UTP20: variants seen among roughly 807,000 people sequenced by gnomAD.
UTP20 encodes UTP20 small subunit processome component.
A neutral mutation model predicts 329.5 loss-of-function variants in UTP20; 164 were observed. That is an observed-to-expected ratio of 0.50 (90% confidence interval 0.44 to 0.57). The LOEUF (loss-of-function observed/expected upper bound fraction) is 0.57, where lower values mean the gene tolerates loss of function less well. Ranked by LOEUF, UTP20 falls within the 20% of genes least tolerant of loss-of-function variation. The pLI, the probability that UTP20 is intolerant of heterozygous loss-of-function variation, is 0.00. For synonymous variants in UTP20, 1,151 were observed against 1,159.3 expected (o/e 0.99, Z 0.14); for missense variants, 3,055 against 3,284.2 (o/e 0.93, Z 1.71).
At position 101,329,326 on chromosome 12, in the gene UTP20, A is replaced by C. The variant is rs766018627; in HGVS notation, c.3294A>C (p.Leu1098Phe). ...VLPLGRQHGI[L>F]NSLEIVLKNI... ...CTTTAGGTCGTCAGCACGGTATCTT[A>C]AACAGCCTTGAGATAGTATTGAAAA... Residue 1098 changes from leucine (L) to phenylalanine (F), a missense_variant, in exon 27 of 62, where the codon TTA (leucine) becomes TTC (phenylalanine). Physicochemically the swap from Leu to Phe is conservative, Grantham distance 22. Around this residue, in one of 3 missense-constraint regions of UTP20, gnomAD observed 2,445 missense variants for 2,575.5 expected, o/e 0.95. Coordinates refer to ENST00000261637, the MANE Select transcript of UTP20 (RefSeq NM_014503.3). The C allele has an allele frequency of 6.2e-6, 10 of 1,614,064 alleles. No homozygotes were observed. Among genetic ancestry groups the C allele is most frequent in the Non-Finnish European group, 8.5e-6 (10 of 1,180,044 alleles).
Position 101,376,735 on chromosome 12 carries a change from C to T in UTP20, c.7396+979C>T, listed in dbSNP as rs56229415. On this transcript the variant is annotated intron_variant, in intron 56 of 61. Coordinates refer to ENST00000261637, the MANE Select transcript of UTP20 (RefSeq NM_014503.3). ...GATCTCAGCACACTGCAACCTCCTCCGCCTTCCGGATTCAAGTGATTCTTC... is the reference window on the plus strand; with the variant it reads ...GATCTCAGCACACTGCAACCTCCTCTGCCTTCCGGATTCAAGTGATTCTTC... Among the ~76,000 whole-genome samples, 1,073 of 152,262 alleles carry T rather than the reference C, an allele frequency of 7.0e-3. 14 individuals are homozygous for T. Among genetic ancestry groups the T allele is most frequent in the African/African-American group, 0.024 (989 of 41,538 alleles).
intron 12 of UTP20, among the ~76,000 whole-genome samples, chr12:101,298,491 C>T (rs1872428332): frequency 6.6e-6 from 1 of 152,064 alleles, no homozygotes; most frequent in Admixed American, 6.6e-5. Flanking sequence ...AAGAAAACCT[C>T]TGTGGGTAAA....
rs767605228 is a variant in UTP20 at position 101,363,633 on chromosome 12, C to T, written c.5848C>T (p.Leu1950Phe). The T allele has an allele frequency of 1.5e-5, 25 of 1,613,908 alleles. No individual in the cohort carries two copies. The Admixed American group carries it at 4.2e-4, about 27-fold the overall frequency. Residue 1950 changes from leucine (L) to phenylalanine (F), a missense_variant, in exon 45 of 62, where the codon CTC (leucine) becomes TTC (phenylalanine). Coordinates refer to ENST00000261637, the MANE Select transcript of UTP20 (RefSeq NM_014503.3). ...VAEEKEVKQI[L>F]SKVMEARRSK... ...TGAAGAGAAGGAAGTAAAGCAGATC[C>T]TCTCCAAAGTCATGGAAGCACGAAG...
At chr12:101,383,485 C>T in intron 59 of UTP20, 58 bp from the exon 60 acceptor site, 1 of 1,586,076 alleles carries the variant, frequency 6.3e-7, no homozygotes, top group Non-Finnish European at 8.6e-7. Flanking sequence ...AATGCTGTGT[C>T]TATGATTGAG....
At chr12:101,283,730 AAT>A (rs1871870086) in intron 2 of UTP20, among the ~76,000 whole-genome samples, 1 of 152,226 alleles carries the variant, frequency 6.6e-6, no homozygotes, top group Non-Finnish European at 1.5e-5. Context: ...ACTTTTGAAA[AAT>A]AGAGATAGGA....
intron 29 of UTP20, among the ~76,000 whole-genome samples, chr12:101,336,336 TATCA>T (rs1868934498): frequency 6.6e-6 from 1 of 152,236 alleles, no homozygotes; most frequent in Non-Finnish European, 1.5e-5. Context: ...GTTTACATAG[TATCA>T]ATCAGAAATT....
chr12:101,372,198 G>C (rs1329326485), intron 51 of UTP20, among the ~76,000 whole-genome samples: 2 of 152,362 alleles, frequency 1.3e-5, no homozygotes, highest in Admixed American at 6.5e-5. Context: ...GGAAAGGCAG[G>C]CTTGGAAACT....
chr12:101,299,910 G>T (rs542195283), intron 13 of UTP20, 63 bp from the exon 14 acceptor site: 1 of 1,608,292 alleles, frequency 6.2e-7, no homozygotes, highest in Admixed American at 1.7e-5. Context: ...ATTCCTTGCT[G>T]TTCTCTGAAA....
chr12:101,307,934 T>G (rs2137249302), intron 17 of UTP20, among the ~76,000 whole-genome samples: 1 of 152,204 alleles, frequency 6.6e-6, no homozygotes, highest in Non-Finnish European at 1.5e-5. Context: ...GCCAATCAAT[T>G]TGAGTGACTT....
intron 45 of UTP20, 117 bp from the exon 46 acceptor site, chr12:101,365,342 A>C: frequency 1.5e-6 from 1 of 683,972 alleles, no homozygotes; most frequent in East Asian, 3.0e-5. Context: ...ATGCTTTTTA[A>C]TTAGGAGAAA....
chr12:101,298,158 T>TA (rs1872417764), intron 12 of UTP20, among the ~76,000 whole-genome samples: 1 of 152,172 alleles, frequency 6.6e-6, no homozygotes, highest in Non-Finnish European at 1.5e-5. Context: ...GACAACTACT[T>TA]ACGGTATCAG....
In UTP20 at chr12:101,379,374, A is replaced by G; in HGVS notation, c.7400A>G (p.His2467Arg). ...AAATGCTTTTTGGTTCCCTTAGGTC[A>G]TGTGCATTCTCACCTGAGACATCCA... ...PAETLSKIWS[H>R]VHSHLRHPHN... The change falls in exon 57 of 62, where the codon CAT becomes CGT. Residue 2467 changes from histidine (H) to arginine (R), a missense_variant. By Grantham distance (29) the His-to-Arg change is conservative. Around this residue, in one of 3 missense-constraint regions of UTP20, gnomAD observed 273 missense variants for 363.1 expected, o/e 0.75. Transcript: ENST00000261637. 3 of 1,604,150 alleles carry G rather than the reference A, an allele frequency of 1.9e-6. No homozygotes were observed. The highest frequency in any genetic ancestry group is 1.3e-5 in the African/African-American group (1 of 74,636).
Position 101,285,956 on chromosome 12 carries a change from A to G in UTP20, c.326+75A>G, listed in dbSNP as rs1005989820. On this transcript the variant is annotated intron_variant, in intron 4 of 61. Coordinates refer to ENST00000261637, the MANE Select transcript of UTP20 (RefSeq NM_014503.3). Reference sequence around the variant, plus strand: ...AAGAAAGATTGTGTTTCAAAGCTACATATACCGCAGATCAGGTGCTCATAA... The same window carrying G: ...AAGAAAGATTGTGTTTCAAAGCTACGTATACCGCAGATCAGGTGCTCATAA... 4.5e-6 allele frequency: 7 copies of G among 1,558,582 alleles called. 1 individual carries two copies. The African/African-American group carries it at 5.5e-5, about 12-fold the overall frequency.
rs186490681 is a variant in UTP20 at position 101,304,844 on chromosome 12, G to A, written c.1782-1071G>A. Among the ~76,000 whole-genome samples, 101 of 152,242 alleles carry A rather than the reference G, an allele frequency of 6.6e-4. 1 individual carries two copies. Among genetic ancestry groups the A allele is most frequent in the African/African-American group, 2.0e-3 (84 of 41,556 alleles). ...TCCTCATCATGTTCCTCGGGGCTCCGTATGAGCTAACTCCTGGCTAGTTCT... is the reference window on the plus strand; with the variant it reads ...TCCTCATCATGTTCCTCGGGGCTCCATATGAGCTAACTCCTGGCTAGTTCT... On this transcript the variant is annotated intron_variant, in intron 15 of 61. Transcript: ENST00000261637.
intron 2 of UTP20, among the ~76,000 whole-genome samples, chr12:101,284,562 G>A (rs1871897839): frequency 6.6e-6 from 1 of 152,014 alleles, no homozygotes; most frequent in African/African-American, 2.4e-5. Context: ...ACGAAGGCAT[G>A]TATCTTTTTG....
intron 26 of UTP20, 95 bp downstream of exon 26, chr12:101,327,342 A>C: frequency 7.8e-7 from 1 of 1,280,006 alleles, no homozygotes; most frequent in Non-Finnish European, 1.0e-6. Flanking sequence ...GCGTCTTTCT[A>C]ACAGGGTTGT....
At chr12:101,323,424 C>G (rs900607846) in intron 25 of UTP20, among the ~76,000 whole-genome samples, 1 of 152,266 alleles carries the variant, frequency 6.6e-6, no homozygotes, top group South Asian at 2.1e-4. Flanking sequence ...TAAGTTTGAA[C>G]CACTTTATAT....
Position 101,385,720 on chromosome 12 carries a change from G to T in UTP20, c.8194G>T (p.Ala2732Ser). 1 of 1,610,804 alleles carries T rather than the reference G, an allele frequency of 6.2e-7. No homozygotes were observed. Among genetic ancestry groups the T allele is most frequent in the Non-Finnish European group, 8.5e-7 (1 of 1,179,406 alleles). Residue 2732 changes from alanine (A) to serine (S), a missense_variant, in exon 61 of 62, where the codon GCC becomes TCC. Physicochemically the swap from Ala to Ser is moderately conservative, Grantham distance 99. Transcript: ENST00000261637. Reference sequence around the variant, plus strand: ...AAGGGCACTCCGGAAAAAGAGGAAGGCCCTGGAGGTAAGTTTGCTCTTTGA... The same window carrying T: ...AAGGGCACTCCGGAAAAAGAGGAAGTCCCTGGAGGTAAGTTTGCTCTTTGA... Reference protein sequence around the residue: ...EKRALRKKRKALEFVTNPDIA... With the variant: ...EKRALRKKRKSLEFVTNPDIA...
In UTP20 at chr12:101,379,378, G is replaced by C; in HGVS notation, c.7404G>C (p.Val2468=). The C allele has an allele frequency of 1.2e-6, 2 of 1,605,264 alleles. No individual in the cohort carries two copies. Among genetic ancestry groups the C allele is most frequent in the Non-Finnish European group, 1.7e-6 (2 of 1,174,442 alleles). Residue 2468 remains valine, a synonymous_variant, in exon 57 of 62, where the codon GTG becomes GTC. Transcript: ENST00000261637. ...GCTTTTTGGTTCCCTTAGGTCATGTGCATTCTCACCTGAGACATCCACACA... is the reference window on the plus strand; with the variant it reads ...GCTTTTTGGTTCCCTTAGGTCATGTCCATTCTCACCTGAGACATCCACACA... ...AETLSKIWSH[V]HSHLRHPHNW... is the part of the protein sequence containing the mutation.
Sources: allele counts gnomAD v4.1 joint callset (sites outside exome capture counted in the v4.1 genomes callset), GRCh38; gene constraint gnomAD v4.1.1; regional missense constraint gnomAD v4.1.1; transcripts MANE v1.5; gene names NCBI Gene and HGNC (gene_info 2026-07-23, HGNC 2026-07-21).